FCHSD2: variants seen among roughly 807,000 people sequenced by gnomAD.
FCHSD2 encodes the protein F-BAR and double SH3 domains protein 2.
A neutral mutation model predicts 108.1 loss-of-function variants in FCHSD2; 38 were observed. The observed-to-expected ratio is 0.35, with a 90% CI of 0.27 to 0.46. FCHSD2 has a LOEUF of 0.46. FCHSD2 is among the 20% of genes least tolerant of loss of function. The pLI, the probability that FCHSD2 is intolerant of heterozygous loss-of-function variation, is 1.00. For synonymous variants in FCHSD2, 279 were observed against 314.7 expected (o/e 0.89, Z 1.20); for missense variants, 751 against 897.8 (o/e 0.84, Z 2.09).
intron 2 of FCHSD2, among the ~76,000 whole-genome samples, chr11:73,103,426 C>T (rs531630236): frequency 3.3e-5 from 5 of 152,268 alleles, no homozygotes; most frequent in Admixed American, 3.3e-4. Flanking sequence ...TTTAATTAGA[C>T]TTAGTTTAGG....
chr11:72,855,590 T>C (rs990003107), intron 13 of FCHSD2, among the ~76,000 whole-genome samples: 2 of 152,212 alleles, frequency 1.3e-5, no homozygotes, highest in Admixed American at 1.3e-4. Flanking sequence ...TATTTTACCA[T>C]ACACACGAAC....
intron 3 of FCHSD2, among the ~76,000 whole-genome samples, chr11:73,082,212 C>T (rs1489063183): frequency 6.6e-6 from 1 of 151,720 alleles, no homozygotes; most frequent in African/African-American, 2.4e-5. Context: ...TGGCGTGTGC[C>T]TGTCATCCCA....
chr11:72,841,332 T>G (rs1487618344), intron 18 of FCHSD2, 122 bp downstream of exon 18: 2 of 978,580 alleles, frequency 2.0e-6, no homozygotes, highest in African/African-American at 4.6e-5. Context: ...TGACAGAGAC[T>G]CTGTCTCCAA....
At chr11:72,852,607 T>C (rs1226337828) in intron 13 of FCHSD2, among the ~76,000 whole-genome samples, 1 of 151,506 alleles carries the variant, frequency 6.6e-6, no homozygotes, top group East Asian at 1.9e-4. Flanking sequence ...AAGGTTGCAG[T>C]GAGTCAAGAT....
intron 5 of FCHSD2, among the ~76,000 whole-genome samples, chr11:72,989,634 C>A (rs1857373381): frequency 6.6e-6 from 1 of 152,090 alleles, no homozygotes; most frequent in African/African-American, 2.4e-5. Context: ...TACTCAAAAC[C>A]ATCCCCTGCC....
At position 72,943,556 on chromosome 11, in the gene FCHSD2, A is replaced by G. The variant is rs553554192; in HGVS notation, c.706-21606T>C. Among the ~76,000 whole-genome samples the G allele has an allele frequency of 2.0e-5, 3 of 152,334 alleles. No homozygotes were observed. The South Asian group carries it at 6.2e-4, about 32-fold the overall frequency. ...CTTTAATGAAAGGGAAGGAAATTGAAGAGAATGACAGGTGAGACGGAGATG... is the reference window on the plus strand; with the variant it reads ...CTTTAATGAAAGGGAAGGAAATTGAGGAGAATGACAGGTGAGACGGAGATG... On this transcript the variant is annotated intron_variant, in intron 8 of 19. Coordinates refer to ENST00000409418, the MANE Select transcript of FCHSD2 (RefSeq NM_014824.3).
chr11:73,051,868 AACACAC>A (rs61511109), intron 3 of FCHSD2, among the ~76,000 whole-genome samples: 31,502 of 141,568 alleles, frequency 0.22, 3,552 homozygotes, highest in East Asian at 0.29. Context: ...ACGGTATATA[AACACAC>A]ACACACACAC....
chr11:73,067,249 C>T (rs1052663167), intron 3 of FCHSD2, among the ~76,000 whole-genome samples: 3 of 152,102 alleles, frequency 2.0e-5, no homozygotes, highest in Admixed American at 2.0e-4. Flanking sequence ...CGAAACACTG[C>T]ATGTTCTCAC....
At chr11:72,958,992 TATGTGTGTG>T (rs1445599671) in intron 8 of FCHSD2, among the ~76,000 whole-genome samples, 17 of 127,308 alleles carry the variant, frequency 1.3e-4, no homozygotes, top group Non-Finnish European at 2.0e-4. Flanking sequence ...ATCAGTAAGA[TATGTGTGTG>T]TGTGTGTGTG....
intron 12 of FCHSD2, among the ~76,000 whole-genome samples, chr11:72,883,853 G>A (rs1405868884): frequency 1.3e-5 from 2 of 151,438 alleles, no homozygotes; most frequent in Admixed American, 6.6e-5. Context: ...AATCGCTTGA[G>A]CCCAGGAGGT....
Position 73,060,796 on chromosome 11 carries a change from A to G in FCHSD2, c.165+22899T>C, listed in dbSNP as rs767676739. On this transcript the variant is annotated intron_variant, in intron 3 of 19. Transcript: ENST00000409418. Reference sequence around the variant, plus strand: ...ATACACAAAACTCTAGGTTAAGAAGAAGGCAATGGAGAGTTTGGCTCCTGC... The same window carrying G: ...ATACACAAAACTCTAGGTTAAGAAGGAGGCAATGGAGAGTTTGGCTCCTGC... 2.6e-5 allele frequency among the ~76,000 whole-genome samples: 4 copies of G among 152,326 alleles called. No individual in the cohort carries two copies. The South Asian group carries it at 8.3e-4, about 32-fold the overall frequency.
At chr11:73,019,026 A>G (rs2135436994) in intron 3 of FCHSD2, among the ~76,000 whole-genome samples, 1 of 152,336 alleles carries the variant, frequency 6.6e-6, no homozygotes, top group Admixed American at 6.5e-5. Context: ...CATATGGGTT[A>G]CTGCCAAACA....
At chr11:73,114,691 T>C (rs1024622349) in intron 2 of FCHSD2, among the ~76,000 whole-genome samples, 1 of 150,896 alleles carries the variant, frequency 6.6e-6, no homozygotes, top group African/African-American at 2.4e-5. Context: ...AGGCAGGAGT[T>C]TCCCTTCTGG....
chr11:72,962,009 T>C (rs1364488635), intron 8 of FCHSD2, among the ~76,000 whole-genome samples: 2 of 152,248 alleles, frequency 1.3e-5, no homozygotes, highest in African/African-American at 2.4e-5. Flanking sequence ...ATAAGCATTG[T>C]TATTGAAACC....
At chr11:73,050,000 T>C (rs1858861516) in intron 3 of FCHSD2, among the ~76,000 whole-genome samples, 1 of 152,204 alleles carries the variant, frequency 6.6e-6, no homozygotes, top group Non-Finnish European at 1.5e-5. Context: ...AGTGAAATAC[T>C]GTCACTGAAT....
At chr11:72,886,417 T>C (rs776232494) in intron 12 of FCHSD2, among the ~76,000 whole-genome samples, 3 of 152,224 alleles carry the variant, frequency 2.0e-5, no homozygotes, top group Non-Finnish European at 2.9e-5. Context: ...AGTCTTCTTC[T>C]GTGTTACACC....
At chr11:72,979,675 A>G (rs1481234553) in intron 8 of FCHSD2, among the ~76,000 whole-genome samples, 1 of 152,222 alleles carries the variant, frequency 6.6e-6, no homozygotes, top group Non-Finnish European at 1.5e-5. Flanking sequence ...TCATAAACAT[A>G]GTATCTCAAA....
At chr11:72,994,062 G>A (rs944579651) in intron 5 of FCHSD2, among the ~76,000 whole-genome samples, 1 of 152,132 alleles carries the variant, frequency 6.6e-6, no homozygotes, top group Non-Finnish European at 1.5e-5. Flanking sequence ...GCTAAAGCTG[G>A]CTCTGCAAAT....
chr11:72,991,132 G>C (rs566128530), intron 5 of FCHSD2, among the ~76,000 whole-genome samples: 20 of 152,078 alleles, frequency 1.3e-4, no homozygotes, highest in Admixed American at 4.6e-4. Context: ...TAAATTCCTC[G>C]ACACATACAC....
Sources: gnomAD v4.1 joint callset for allele counts (sites outside exome capture counted in the v4.1 genomes callset) on GRCh38, gnomAD v4.1.1 for gene constraint, MANE v1.5 for transcripts, NCBI Gene and HGNC (gene_info 2026-07-23, HGNC 2026-07-21) for gene names.